The following CDC14B variants were observed in gnomAD, a reference collection of about 807,000 sequenced individuals.
CDC14B encodes dual specificity protein phosphatase CDC14B.
In CDC14B, 22 loss-of-function variants were observed where a neutral mutation model predicts 64.2. The ratio of observed to expected loss-of-function variants is 0.34; its 90% CI spans 0.24 to 0.49. The LOEUF (loss-of-function observed/expected upper bound fraction) is 0.49, where lower values mean the gene tolerates loss of function less well. Ranked by LOEUF, CDC14B falls within the 20% of genes least tolerant of loss-of-function variation. The probability of loss-of-function intolerance (pLI) is 0.99; values close to 1 mark genes in which losing one functional copy is unlikely to be tolerated. For synonymous variants in CDC14B, 191 were observed against 215.8 expected (o/e 0.89, Z 1.01); for missense variants, 498 against 629.9 (o/e 0.79, Z 2.24).
chr9:96,550,314 C>T (rs946916070), intron 5 of CDC14B, among the ~76,000 whole-genome samples: 1 of 152,184 alleles, frequency 6.6e-6, no homozygotes, highest in Non-Finnish European at 1.5e-5. Context: ...TGCTCAATCA[C>T]AGATTTTCAC....
At chr9:96,534,854 G>C (rs1351591298) in intron 7 of CDC14B, among the ~76,000 whole-genome samples, 1 of 152,130 alleles carries the variant, frequency 6.6e-6, no homozygotes, top group African/African-American at 2.4e-5. Flanking sequence ...TCTCATTATA[G>C]TTGCTGCTAA....
intron 12 of CDC14B, among the ~76,000 whole-genome samples, chr9:96,518,376 G>A (rs1305428156): frequency 2.0e-5 from 3 of 152,026 alleles, no homozygotes; most frequent in Non-Finnish European, 2.9e-5. Context: ...TTAGCGAGGC[G>A]TGGTGGCGTG....
rs1833541343 is a variant in CDC14B, at chr9:96,501,259, A to G, written c.*2494T>C. ...CAGAAAGCTTCAAGAGCACCTAAAA[A>G]TATTCACTTCCAATTTTAATTCCAT... is the stretch of plus-strand genomic sequence containing the variant. On this transcript the variant is annotated 3_prime_UTR_variant, in exon 14 of 14. Coordinates refer to ENST00000375241, the MANE Select transcript of CDC14B (RefSeq NM_033331.4). The G allele has an allele frequency of 6.6e-6, 1 of 152,242 alleles. No individual in the cohort carries two copies. The highest frequency in any genetic ancestry group is 1.5e-5 in the Non-Finnish European group (1 of 68,048). The allele number at this position is 152,242 out of a possible 1,614,324, so 9.4% of individuals were successfully genotyped here. A position where few individuals can be genotyped will look rare whatever the true frequency, so the allele number is the denominator to read the frequency against.
intron 1 of CDC14B, among the ~76,000 whole-genome samples, chr9:96,574,023 C>G (rs1332797556): frequency 6.6e-6 from 1 of 151,630 alleles, no homozygotes; most frequent in Non-Finnish European, 1.5e-5. Context: ...GGCGGGCACC[C>G]GTAGCCCCAG....
chr9:96,525,019 C>T (rs1327751246), intron 9 of CDC14B, among the ~76,000 whole-genome samples: 1 of 152,080 alleles, frequency 6.6e-6, no homozygotes, highest in Admixed American at 6.6e-5. Flanking sequence ...GAAGATACAA[C>T]CTGGTTTCTC....
At chr9:96,507,115 G>A (rs971266468) in intron 13 of CDC14B, among the ~76,000 whole-genome samples, 41 of 152,140 alleles carry the variant, frequency 2.7e-4, no homozygotes, top group African/African-American at 9.9e-4. Context: ...CCAAAATGGT[G>A]AAACCCCGTC....
intron 5 of CDC14B, among the ~76,000 whole-genome samples, chr9:96,542,349 CTG>C (rs16909850): frequency 2.1e-3 from 313 of 152,104 alleles, no homozygotes; most frequent in African/African-American, 7.2e-3. Flanking sequence ...GTGTGTCTGT[CTG>C]TGTGTGTGTG....
Position 96,576,433 on chromosome 9 carries a change from C to G in CDC14B, c.161-10950G>C, listed in dbSNP as rs186390221. ...ATCACTTGAGGTCAGGAGTTTGAGA[C>G]CAGCCTGACCAACATCACAAAACCC... On this transcript the variant is annotated intron_variant, in intron 1 of 13. Transcript: ENST00000375241. Among the ~76,000 whole-genome samples the G allele has an allele frequency of 3.9e-5, 6 of 152,044 alleles. No individual in the cohort carries two copies. In the East Asian group the frequency reaches 1.2e-3, roughly 29 times the overall value.
rs1249925725 is a variant in CDC14B at position 96,534,489 on chromosome 9, G to A, written c.681C>T (p.Phe227=). 4.3e-6 allele frequency: 7 copies of A among 1,613,100 alleles called. No homozygotes were observed. The Admixed American group carries it at 1.2e-4, about 27-fold the overall frequency. The part of the protein sequence containing the change: ...NWIIPDRFIA[F]CGPHSRARLE... ...GTCTGGCTCTTGAATGAGGTCCACA[G>A]AAGGCAATAAATCGGTCTGGTATTA... is the stretch of plus-strand genomic sequence containing the variant. The change falls in exon 8 of 14, where the codon TTC becomes TTT. Residue 227 remains phenylalanine (F), a synonymous_variant. Transcript: ENST00000375241.
chr9:96,497,186 G>A (rs1833287691), downstream of CDC14B, among the ~76,000 whole-genome samples: 1 of 152,238 alleles, frequency 6.6e-6, no homozygotes, highest in Non-Finnish European at 1.5e-5. Context: ...GCCAGGCCGG[G>A]GCCTCCTTAC....
intron 1 of CDC14B, among the ~76,000 whole-genome samples, chr9:96,609,479 A>G (rs181974564): frequency 3.0e-4 from 45 of 152,310 alleles, no homozygotes; most frequent in Admixed American, 9.2e-4. Context: ...TTGCCCCTCC[A>G]TTCTTTAATA....
At chr9:96,596,906 T>C (rs141861925) in intron 1 of CDC14B, among the ~76,000 whole-genome samples, 54 of 146,950 alleles carry the variant, frequency 3.7e-4, no homozygotes, top group Admixed American at 1.1e-3. Context: ...TACAACAACA[T>C]AAAATGGTCT....
intron 1 of CDC14B, chr9:96,618,674 G>GC (rs1444280986): frequency 2.0e-6 from 1 of 507,350 alleles, no homozygotes; most frequent in Admixed American, 2.1e-5. Flanking sequence ...CCAGGAGAGG[G>GC]GCTCGGGCTT....
chr9:96,615,020 T>C (rs1847535476), intron 1 of CDC14B, among the ~76,000 whole-genome samples: 1 of 152,086 alleles, frequency 6.6e-6, no homozygotes, highest in Admixed American at 6.5e-5. Flanking sequence ...TTTGAATTTT[T>C]AGTAGAGAAG....
chr9:96,524,519 G>T (rs1001762269), intron 9 of CDC14B, among the ~76,000 whole-genome samples: 1 of 152,046 alleles, frequency 6.6e-6, no homozygotes. Context: ...ACCTCTATTG[G>T]TGCTGGCCTG....
chr9:96,540,953 T>TCA, intron 6 of CDC14B, among the ~76,000 whole-genome samples: 1 of 152,212 alleles, frequency 6.6e-6, no homozygotes, highest in Non-Finnish European at 1.5e-5. Context: ...AAAAAGTATA[T>TCA]CAATTAGTCT....
chr9:96,518,969 T>C (rs1836211899), intron 12 of CDC14B, among the ~76,000 whole-genome samples: 1 of 151,938 alleles, frequency 6.6e-6, no homozygotes, highest in African/African-American at 2.4e-5. Flanking sequence ...ACCCTGTCTC[T>C]ACTAAAAATA....
chr9:96,501,381 GGTC>G lies in CDC14B; in HGVS notation c.*2369_*2371del, dbSNP rs1265190789. 2.0e-5 allele frequency: 3 copies of G among 146,598 alleles called. No homozygotes were observed. Among genetic ancestry groups the G allele is most frequent in the African/African-American group, 7.7e-5 (3 of 38,982 alleles). The allele number at this position is 146,598 out of a possible 1,614,324, so 9.1% of individuals were successfully genotyped here. On this transcript the variant is annotated 3_prime_UTR_variant, in exon 14 of 14. Coordinates refer to ENST00000375241, the MANE Select transcript of CDC14B (RefSeq NM_033331.4). ...ACAGTTTCATGTTCCATAGCAACAA[GGTC>G]TTCTATAACAACGACTCTAAGTCAG...
chr9:96,529,387 T>C (rs1838073177), intron 9 of CDC14B, among the ~76,000 whole-genome samples: 2 of 152,142 alleles, frequency 1.3e-5, no homozygotes, highest in South Asian at 4.1e-4. Flanking sequence ...TTTGACCATA[T>C]ACACAAGGAT....
Sources: allele counts gnomAD v4.1 joint callset (sites outside exome capture counted in the v4.1 genomes callset), GRCh38; gene constraint gnomAD v4.1.1; transcripts MANE v1.5; gene names NCBI Gene and HGNC (gene_info 2026-07-23, HGNC 2026-07-21).